Variants in PTPRG observed in about 807,000 individuals in gnomAD.
The protein encoded by PTPRG is protein tyrosine phosphatase receptor type G, also known as receptor-type tyrosine-protein phosphatase gamma.
In PTPRG, 102 loss-of-function variants were observed where a neutral mutation model predicts 165.3. That is an observed-to-expected ratio of 0.62 (90% CI 0.53 to 0.73). The LOEUF (loss-of-function observed/expected upper bound fraction) is 0.73, where lower values mean the gene tolerates loss of function less well. Ranked by LOEUF, PTPRG falls within the 30% of genes least tolerant of loss-of-function variation. The probability of loss-of-function intolerance (pLI) is 0.00; values close to 1 mark genes in which losing one functional copy is unlikely to be tolerated. For missense variants in PTPRG, 1,866 were observed against 1,861.4 expected, an observed-to-expected ratio of 1.00 and a Z score of -0.05; for synonymous variants, 675 against 669.5, an observed-to-expected ratio of 1.01 and a Z score of -0.13.
At chr3:62,076,826 C>A (rs1046587046) in intron 4 of PTPRG, among the ~76,000 whole-genome samples, 3 of 152,168 alleles carry the variant, frequency 2.0e-5, no homozygotes, top group Non-Finnish European at 4.4e-5. Context: ...GGTGACCTGC[C>A]CGCCACAGCC....
intron 4 of PTPRG, among the ~76,000 whole-genome samples, chr3:62,052,929 C>G (rs1314282568): frequency 1.3e-5 from 2 of 152,142 alleles, no homozygotes; most frequent in East Asian, 1.9e-4. Flanking sequence ...ATATGCATAT[C>G]GCTTTGTTGA....
At chr3:61,927,552 A>G (rs984280832) in intron 2 of PTPRG, among the ~76,000 whole-genome samples, 1 of 152,182 alleles carries the variant, frequency 6.6e-6, no homozygotes, top group African/African-American at 2.4e-5. Flanking sequence ...CCTCTATCCC[A>G]TTTATGCGGA....
At chr3:61,687,383 T>C (rs960569967) in intron 1 of PTPRG, among the ~76,000 whole-genome samples, 1 of 152,172 alleles carries the variant, frequency 6.6e-6, no homozygotes, top group Non-Finnish European at 1.5e-5. Flanking sequence ...CATGTATTCA[T>C]ACAACACTGG....
chr3:62,061,637 T>A (rs542833784), intron 4 of PTPRG, among the ~76,000 whole-genome samples: 3 of 151,392 alleles, frequency 2.0e-5, no homozygotes, highest in Non-Finnish European at 4.4e-5. Flanking sequence ...CTTTTCTTTT[T>A]TTTTTTTTTT....
At chr3:61,626,006 T>G (rs536878970) in intron 1 of PTPRG, among the ~76,000 whole-genome samples, 3 of 135,092 alleles carry the variant, frequency 2.2e-5, no homozygotes, top group South Asian at 4.7e-4. Context: ...CAACAGGGTT[T>G]GTTTGTTTTT....
chr3:62,116,541 C>G (rs966125523), intron 5 of PTPRG, among the ~76,000 whole-genome samples: 1 of 152,044 alleles, frequency 6.6e-6, no homozygotes, highest in African/African-American at 2.4e-5. Context: ...TCAGATATAA[C>G]GACGAGTGAA....
At chr3:61,957,140 A>T (rs779908113) in intron 2 of PTPRG, among the ~76,000 whole-genome samples, 8 of 152,214 alleles carry the variant, frequency 5.3e-5, no homozygotes, top group Non-Finnish European at 1.0e-4. Flanking sequence ...AACTGAGAAG[A>T]GTTGAGAATT....
At chr3:61,826,031 C>T (rs1018555094) in intron 2 of PTPRG, among the ~76,000 whole-genome samples, 7 of 152,196 alleles carry the variant, frequency 4.6e-5, no homozygotes, top group African/African-American at 1.2e-4. Context: ...CTACTTAGCA[C>T]TCTGCATGGT....
chr3:61,792,724 CTTTCTTTCTTTCTTT>C (rs1559614559), intron 2 of PTPRG, among the ~76,000 whole-genome samples: 29 of 63,594 alleles, frequency 4.6e-4, no homozygotes, highest in African/African-American at 1.7e-3. Context: ...TTCTTTCTTT[CTTTCTTTCTTTCTTT>C]CTTTCTTTGA....
At chr3:62,076,378 C>T (rs1182503469) in intron 4 of PTPRG, among the ~76,000 whole-genome samples, 3 of 152,066 alleles carry the variant, frequency 2.0e-5, no homozygotes, top group African/African-American at 2.4e-5. Flanking sequence ...TTATACACTA[C>T]GTTAACTTAT....
chr3:61,969,413 G>T (rs546742763), intron 2 of PTPRG, among the ~76,000 whole-genome samples: 1 of 152,174 alleles, frequency 6.6e-6, no homozygotes, highest in East Asian at 1.9e-4. Flanking sequence ...TTCTTCTTGG[G>T]GAATTTTAAT....
At chr3:62,010,430 A>G (rs1284580247) in intron 4 of PTPRG, among the ~76,000 whole-genome samples, 2 of 150,864 alleles carry the variant, frequency 1.3e-5, no homozygotes, top group African/African-American at 4.9e-5. Context: ...TTGGAAATGT[A>G]AGTTTATACT....
chr3:61,881,508 A>C (rs2107471651), intron 2 of PTPRG, among the ~76,000 whole-genome samples: 1 of 152,188 alleles, frequency 6.6e-6, no homozygotes. Flanking sequence ...ACCCAAATAG[A>C]CCATTTCACC....
intron 2 of PTPRG, among the ~76,000 whole-genome samples, chr3:61,899,964 T>C (rs2038456888): frequency 6.6e-6 from 1 of 152,214 alleles, no homozygotes; most frequent in Non-Finnish European, 1.5e-5. Context: ...TTTACATCGT[T>C]GTGAAGAATT....
intron 16 of PTPRG, among the ~76,000 whole-genome samples, chr3:62,256,295 C>T (rs1701534302): frequency 6.6e-6 from 1 of 152,154 alleles, no homozygotes; most frequent in African/African-American, 2.4e-5. Context: ...TGAAAAGCCC[C>T]TGTCTATGCA....
intron 2 of PTPRG, among the ~76,000 whole-genome samples, chr3:61,863,096 C>G (rs2037316793): frequency 6.6e-6 from 1 of 152,186 alleles, no homozygotes; most frequent in African/African-American, 2.4e-5. Flanking sequence ...ATGCACTGCA[C>G]AAGGATGTGC....
chr3:61,681,309 C>G (rs1703433764), intron 1 of PTPRG, among the ~76,000 whole-genome samples: 1 of 152,180 alleles, frequency 6.6e-6, no homozygotes, highest in South Asian at 2.1e-4. Flanking sequence ...AAAACTTGCT[C>G]AGAGGCAGGA....
At chr3:62,285,184 C>T (rs1702594812) in intron 28 of PTPRG, among the ~76,000 whole-genome samples, 1 of 152,054 alleles carries the variant, frequency 6.6e-6, no homozygotes, top group Non-Finnish European at 1.5e-5. Context: ...CCTGGGACAG[C>T]GTGGGTACTA....
chr3:61,795,667 A>T (rs1464832615), intron 2 of PTPRG, among the ~76,000 whole-genome samples: 4 of 138,670 alleles, frequency 2.9e-5, no homozygotes, highest in South Asian at 4.6e-4. Flanking sequence ...AAAAAAAAAA[A>T]GTGGGAATAG....
Sources: gnomAD v4.1 joint callset for allele counts (sites outside exome capture counted in the v4.1 genomes callset) on GRCh38, gnomAD v4.1.1 for gene constraint, MANE v1.5 for transcripts, NCBI Gene and HGNC (gene_info 2026-07-23, HGNC 2026-07-21) for gene names.